Variants in GON4L observed in about 807,000 individuals in gnomAD.
GON4L encodes the protein gon-4 like, also known as GON-4-like protein.
GON4L carries 87 observed loss-of-function variants against 211.8 expected under a neutral mutation model. That is an observed-to-expected ratio of 0.41 (90% CI 0.35 to 0.49). The LOEUF (loss-of-function observed/expected upper bound fraction) is 0.49, where lower values mean the gene tolerates loss of function less well. Ranked by LOEUF, GON4L falls within the 20% of genes least tolerant of loss-of-function variation. GON4L has a pLI of 0.15. For missense variants in GON4L, 2,155 were observed against 2,659.5 expected, an observed-to-expected ratio of 0.81 and a Z score of 4.17; for synonymous variants, 875 against 962.6, an observed-to-expected ratio of 0.91 and a Z score of 1.68.
rs1672366702 is a variant in GON4L, at chr1:155,857,176, C to G, written c.-56G>C. 6.6e-6 allele frequency: 1 copy of G among 152,564 alleles called. No homozygotes were observed. Among genetic ancestry groups the G allele is most frequent in the African/African-American group, 2.4e-5 (1 of 41,446 alleles). The allele number at this position is 152,564 out of a possible 1,614,324, so 9.5% of individuals were successfully genotyped here. ...ACCCTCACCAGCCGGCCTGATTCCACGGAAACGGCTTTGGCACCACCGGAA... is the reference window on the plus strand; with the variant it reads ...ACCCTCACCAGCCGGCCTGATTCCAGGGAAACGGCTTTGGCACCACCGGAA... On this transcript the variant is annotated 5_prime_UTR_variant, in exon 1 of 32. Transcript: ENST00000368331.
chr1:155,767,020 C>G (rs1662578656), intron 20 of GON4L: 1 of 545,760 alleles, frequency 1.8e-6, no homozygotes, highest in Non-Finnish European at 3.2e-6. Context: ...CCTGGGTGGA[C>G]AGAGCAAGAC....
downstream of GON4L, chr1:155,748,137 G>A (rs1251140598): frequency 2.0e-5 from 32 of 1,588,164 alleles, no homozygotes; most frequent in Admixed American, 3.8e-4. Flanking sequence ...TGTAAGTCTC[G>A]GTGCTCTTGT....
intron 12 of GON4L, among the ~76,000 whole-genome samples, chr1:155,787,334 T>A (rs1665060392): frequency 6.6e-6 from 1 of 152,162 alleles, no homozygotes; most frequent in Non-Finnish European, 1.5e-5. Flanking sequence ...TTGGTTGATA[T>A]CAAGTTCAAT....
At chr1:155,778,844 A>C (rs936924425) in intron 14 of GON4L, among the ~76,000 whole-genome samples, 1 of 151,970 alleles carries the variant, frequency 6.6e-6, no homozygotes, top group Non-Finnish European at 1.5e-5. Context: ...TGATGGCTTC[A>C]CCTCCATCCA....
chr1:155,751,473 T>C (rs541195839), intron 31 of GON4L, among the ~76,000 whole-genome samples: 9 of 152,128 alleles, frequency 5.9e-5, no homozygotes, highest in Admixed American at 5.9e-4. Flanking sequence ...CACTTGAACC[T>C]GGGAGGTGGA....
intron 7 of GON4L, 71 bp downstream of exon 7, chr1:155,816,141 G>A (rs1014826974): frequency 2.6e-6 from 2 of 778,512 alleles, no homozygotes; most frequent in African/African-American, 3.4e-5. Context: ...AAGTTAAAGA[G>A]GAAGTACTTA....
At chr1:155,769,470 G>C (rs1360897347) in intron 19 of GON4L, among the ~76,000 whole-genome samples, 1 of 152,114 alleles carries the variant, frequency 6.6e-6, no homozygotes, top group African/African-American at 2.4e-5. Flanking sequence ...CAAGCCCAGA[G>C]AGCAACACGC....
In GON4L at chr1:155,853,325, T is replaced by C. The variant is rs374053864; in HGVS notation, c.456A>G (p.Leu152=). ...TAGGCTCTCCTGAAAAAGGCTCCTT[T>C]AGGGTAAGATGATCACATCTGTCTT... is the stretch of plus-strand genomic sequence containing the variant. ...TQEDRCDHLT[L]KEPFSGEPSE... Residue 152 remains leucine, a synonymous_variant, in exon 2 of 32, where the codon CTA becomes CTG. Coordinates refer to ENST00000368331, the MANE Select transcript of GON4L (RefSeq NM_001282860.2). The C allele has an allele frequency of 1.2e-6, 2 of 1,614,016 alleles. No homozygotes were observed. The highest frequency in any genetic ancestry group is 1.7e-6 in the Non-Finnish European group (2 of 1,179,982).
intron 2 of GON4L, among the ~76,000 whole-genome samples, chr1:155,849,476 G>A (rs1295993875): frequency 1.4e-5 from 2 of 147,722 alleles, no homozygotes; most frequent in East Asian, 2.0e-4. Flanking sequence ...CCCAGGAGGT[G>A]AAGCTTGCAA....
chr1:155,793,917 A>G (rs952351961), intron 12 of GON4L, among the ~76,000 whole-genome samples: 8 of 151,352 alleles, frequency 5.3e-5, no homozygotes, highest in African/African-American at 9.7e-5. Context: ...GCTCAATGAT[A>G]TAATTTTTTA....
chr1:155,795,741 GCGA>G (rs1381272401), intron 11 of GON4L, among the ~76,000 whole-genome samples: 1 of 152,126 alleles, frequency 6.6e-6, no homozygotes, highest in Non-Finnish European at 1.5e-5. Context: ...CCAGGATCAG[GCGA>G]TTGTCACACC....
downstream of GON4L, chr1:155,748,565 G>A (rs1273716356): frequency 8.1e-5 from 130 of 1,613,586 alleles, 2 homozygotes; most frequent in South Asian, 3.2e-4. Flanking sequence ...GGTCAGTGCT[G>A]AGAAAATGTC....
At chr1:155,778,722 C>T (rs1159335979) in intron 14 of GON4L, among the ~76,000 whole-genome samples, 1 of 152,190 alleles carries the variant, frequency 6.6e-6, no homozygotes, top group Non-Finnish European at 1.5e-5. Context: ...GCTCCCCCAA[C>T]AGGCCCCAGT....
At chr1:155,829,261 G>C (rs1433188476) in intron 2 of GON4L, among the ~76,000 whole-genome samples, 2 of 152,126 alleles carry the variant, frequency 1.3e-5, no homozygotes. Flanking sequence ...AAAGTGAGTA[G>C]CATGATTTTA....
chr1:155,745,810 C>T (rs544950995), downstream of GON4L: 44 of 606,678 alleles, frequency 7.3e-5, no homozygotes, highest in African/African-American at 5.9e-4. Context: ...GGCGCGGCGG[C>T]CCCGTGGAGC....
intron 2 of GON4L, among the ~76,000 whole-genome samples, chr1:155,831,011 T>C (rs1669707503): frequency 6.6e-6 from 1 of 152,106 alleles, no homozygotes; most frequent in Non-Finnish European, 1.5e-5. Context: ...TAAAAAGTAA[T>C]TTGTGGGCTG....
chr1:155,799,942 T>C (rs527786878), intron 11 of GON4L, among the ~76,000 whole-genome samples: 57 of 152,350 alleles, frequency 3.7e-4, no homozygotes, highest in Admixed American at 1.8e-3. Flanking sequence ...GGCTCATGCC[T>C]GTAGTCCCAG....
chr1:155,841,682 A>G (rs750476858), intron 2 of GON4L, among the ~76,000 whole-genome samples: 26 of 152,166 alleles, frequency 1.7e-4, no homozygotes, highest in Non-Finnish European at 3.8e-4. Context: ...TGGGGCAGGT[A>G]GCACACCACC....
chr1:155,816,384 G>A (rs1668239130), intron 6 of GON4L, 122 bp from the exon 7 acceptor site: 2 of 622,490 alleles, frequency 3.2e-6, no homozygotes, highest in Non-Finnish European at 3.0e-6. Flanking sequence ...TGATCTAGAG[G>A]TGTTGATTAT....
Sources: gnomAD v4.1 joint callset for allele counts (sites outside exome capture counted in the v4.1 genomes callset) on GRCh38, gnomAD v4.1.1 for gene constraint, MANE v1.5 for transcripts, NCBI Gene and HGNC (gene_info 2026-07-23, HGNC 2026-07-21) for gene names.